Variants in SLC27A6 observed in about 807,000 individuals in gnomAD.
SLC27A6 encodes solute carrier family 27 member 6.
A neutral mutation model predicts 63.9 loss-of-function variants in SLC27A6; 74 were observed. The observed-to-expected ratio is 1.16, with a 90% CI of 0.96 to 1.40. SLC27A6 has a LOEUF of 1.40. Ranked by LOEUF, SLC27A6 falls within the 40% of genes most tolerant of loss-of-function variation. SLC27A6 has a pLI of 0.00. For synonymous variants in SLC27A6, 287 were observed against 260.8 expected (o/e 1.10, Z -0.97); for missense variants, 794 against 732.9 (o/e 1.08, Z -0.96).
intron 1 of SLC27A6, among the ~76,000 whole-genome samples, chr5:128,979,293 A>G (rs1490161375): frequency 6.6e-6 from 1 of 151,864 alleles, no homozygotes; most frequent in Admixed American, 6.6e-5. Context: ...CAGTACATCC[A>G]TAACTACTTC....
At chr5:128,978,849 C>A (rs1441819501) in intron 1 of SLC27A6, among the ~76,000 whole-genome samples, 1 of 152,072 alleles carries the variant, frequency 6.6e-6, no homozygotes, top group African/African-American at 2.4e-5. Flanking sequence ...GATTGTAATA[C>A]TCTATTGTAC....
intron 1 of SLC27A6, among the ~76,000 whole-genome samples, chr5:128,981,342 G>C (rs1750578497): frequency 6.6e-6 from 1 of 152,020 alleles, no homozygotes; most frequent in African/African-American, 2.4e-5. Flanking sequence ...TTAGTTAGGT[G>C]TGGTGGTGGG....
chr5:128,994,029 G>C (rs1050730668), intron 4 of SLC27A6, among the ~76,000 whole-genome samples: 2 of 151,966 alleles, frequency 1.3e-5, no homozygotes, highest in African/African-American at 4.8e-5. Context: ...TTAGCCGGGC[G>C]TGGTGGCGAG....
Position 129,033,325 on chromosome 5 carries a change from T to A in SLC27A6, c.*43T>A, listed in dbSNP as rs748797662. The A allele has an allele frequency of 1.7e-5, 21 of 1,222,832 alleles. 1 individual carries two copies. The highest frequency in any genetic ancestry group is 2.4e-5 in the Non-Finnish European group (21 of 872,376). 75.7% of individuals were successfully genotyped at this position (1,222,832 alleles called of 1,614,324 possible). ...CTTTCATATGCTTTCTTAGGAAGAG[T>A]GAGAGGGGGGTATATGATTCTTTAT... On this transcript the variant is annotated 3_prime_UTR_variant, in exon 10 of 10. Transcript: ENST00000262462.
chr5:128,968,632 T>G (rs1268531425), intron 1 of SLC27A6, among the ~76,000 whole-genome samples: 1 of 152,208 alleles, frequency 6.6e-6, no homozygotes, highest in Admixed American at 6.5e-5. Flanking sequence ...CTTGTAAATT[T>G]CTTTAAGTTC....
rs1404250929 is a variant in SLC27A6 at position 128,966,635 on chromosome 5, G to A, written c.481+17G>A. The A allele has an allele frequency of 6.7e-7, 1 of 1,497,738 alleles. No homozygotes were observed. The highest frequency in any genetic ancestry group is 1.4e-5 in the South Asian group (1 of 73,108). 92.8% of individuals were successfully genotyped at this position (1,497,738 alleles called of 1,614,324 possible). A position where few individuals can be genotyped will look rare whatever the true frequency, so the allele number is the denominator to read the frequency against. On this transcript the variant is annotated intron_variant, in intron 1 of 9. Coordinates refer to ENST00000262462, the MANE Select transcript of SLC27A6 (RefSeq NM_001017372.3). ...TGGGCGCAGGTAGAGTATGGGGTGTGGTCTGCCTATACAGAATGGCAGCCC... is the reference window on the plus strand; with the variant it reads ...TGGGCGCAGGTAGAGTATGGGGTGTAGTCTGCCTATACAGAATGGCAGCCC...
intron 4 of SLC27A6, among the ~76,000 whole-genome samples, chr5:128,996,667 G>A (rs557322261): frequency 2.2e-4 from 34 of 152,064 alleles, no homozygotes; most frequent in Non-Finnish European, 4.4e-4. Context: ...GGCAGTGTGA[G>A]AGTGTTTAAG....
intron 3 of SLC27A6, among the ~76,000 whole-genome samples, chr5:128,989,331 C>T (rs940829003): frequency 1.3e-5 from 2 of 152,112 alleles, no homozygotes; most frequent in Non-Finnish European, 2.9e-5. Context: ...GTTGGTAGAG[C>T]TTGTGACTCA....
chr5:128,978,884 A>C (rs1320322670), intron 1 of SLC27A6, among the ~76,000 whole-genome samples: 1 of 152,160 alleles, frequency 6.6e-6, no homozygotes, highest in Non-Finnish European at 1.5e-5. Context: ...AATATATTTA[A>C]ATACACAAAC....
Position 129,033,271 on chromosome 5 carries a change from A to G in SLC27A6, c.1849A>G (p.Ile617Val). The G allele has an allele frequency of 4.5e-6, 7 of 1,559,812 alleles. No individual in the cohort carries two copies. Among genetic ancestry groups the G allele is most frequent in the Non-Finnish European group, 6.1e-6 (7 of 1,149,880 alleles). The change falls in exon 10 of 10, where the codon ATA (isoleucine) becomes GTA (valine). Residue 617 changes from isoleucine (I) to valine (V), a missense_variant. By Grantham distance (29) the Ile-to-Val change is conservative. Transcript: ENST00000262462. ...TTATGATCAAATAATGTTAGGGGAA[A>G]TAAAACTTTAAGATTTTTATATCTA... ...ELYDQIMLGE[I>V]KL
At chr5:129,004,925 A>C (rs938065980) in intron 4 of SLC27A6, among the ~76,000 whole-genome samples, 1 of 152,078 alleles carries the variant, frequency 6.6e-6, no homozygotes, top group African/African-American at 2.4e-5. Flanking sequence ...TGAGCCTGCT[A>C]TTCTATTTCC....
At chr5:128,983,290 T>G (rs990777980) in intron 1 of SLC27A6, among the ~76,000 whole-genome samples, 2 of 15,426 alleles carry the variant, frequency 1.3e-4, no homozygotes, top group Admixed American at 6.5e-4. Flanking sequence ...CTGATCCGGG[T>G]TTTTTTTTTT....
intron 4 of SLC27A6, among the ~76,000 whole-genome samples, chr5:128,991,086 C>T (rs1213590045): frequency 5.3e-5 from 8 of 152,244 alleles, no homozygotes. Flanking sequence ...CAGGTTGCCA[C>T]TGCCGGCTCA....
intron 4 of SLC27A6, among the ~76,000 whole-genome samples, chr5:128,990,933 T>C (rs1276597873): frequency 6.6e-6 from 1 of 152,114 alleles, no homozygotes; most frequent in Non-Finnish European, 1.5e-5. Context: ...CAGCAGCGGG[T>C]CTGCGATGGC....
At position 128,965,851 on chromosome 5, in the gene SLC27A6, G is replaced by T; in HGVS notation, c.-287G>T. On this transcript the variant is annotated 5_prime_UTR_variant, in exon 1 of 10. Transcript: ENST00000262462. ...GTTGTAGATTCCAAGACCCCTGAGGGTGGCTGTGTTGGTTTCTCGCAGGAG... is the reference window on the plus strand; with the variant it reads ...GTTGTAGATTCCAAGACCCCTGAGGTTGGCTGTGTTGGTTTCTCGCAGGAG... The T allele has an allele frequency of 3.1e-6, 1 of 318,608 alleles. No individual in the cohort carries two copies. The highest frequency in any genetic ancestry group is 2.1e-5 in the African/African-American group (1 of 47,248). 19.7% of individuals were successfully genotyped at this position (318,608 alleles called of 1,614,324 possible). A position where few individuals can be genotyped will look rare whatever the true frequency, so the allele number is the denominator to read the frequency against.
intron 4 of SLC27A6, among the ~76,000 whole-genome samples, chr5:129,012,048 A>G (rs1385355593): frequency 6.6e-6 from 1 of 151,742 alleles, no homozygotes; most frequent in African/African-American, 2.4e-5. Context: ...ACATACGTGT[A>G]TTATATAAAT....
At chr5:129,022,426 C>T (rs1231896574) in intron 5 of SLC27A6, among the ~76,000 whole-genome samples, 1 of 152,038 alleles carries the variant, frequency 6.6e-6, no homozygotes, top group Non-Finnish European at 1.5e-5. Flanking sequence ...ATGCTAAGAA[C>T]CAGAGGTATT....
At chr5:128,988,538 T>C (rs1004884962) in intron 2 of SLC27A6, 62 bp from the exon 3 acceptor site, 11 of 1,257,982 alleles carry the variant, frequency 8.7e-6, no homozygotes, top group Non-Finnish European at 1.2e-5. Context: ...TATGAATATG[T>C]ATGCATATGT....
chr5:129,027,158 A>T lies in SLC27A6; in HGVS notation c.1281A>T (p.Arg427=). The T allele has an allele frequency of 6.2e-7, 1 of 1,613,428 alleles. No homozygotes were observed. Among genetic ancestry groups the T allele is most frequent in the Non-Finnish European group, 8.5e-7 (1 of 1,179,512 alleles). The change falls in exon 7 of 10, where the codon CGA becomes CGT. Residue 427 remains arginine, a synonymous_variant. Transcript: ENST00000262462. ...KKGEPGLLIS[R]VNAKNPFFGY... The stretch of plus-strand genomic sequence containing the variant: ...GAGAACCTGGACTTCTCATTTCTCG[A>T]GTGAATGCAAAAAATCCCTTCTTTG...
Sources: allele counts gnomAD v4.1 joint callset (sites outside exome capture counted in the v4.1 genomes callset), GRCh38; gene constraint gnomAD v4.1.1; transcripts MANE v1.5; gene names NCBI Gene and HGNC (gene_info 2026-07-23, HGNC 2026-07-21).